Variants in SCN7A observed in about 807,000 individuals in gnomAD.
The protein encoded by SCN7A is sodium channel protein type 7 subunit alpha.
In SCN7A, 138 loss-of-function variants were observed where a neutral mutation model predicts 155.2. The observed-to-expected ratio is 0.89, with a 90% confidence interval of 0.77 to 1.02. SCN7A has a LOEUF of 1.02. Among genes scored for constraint, SCN7A ranks in the 50% least tolerant of loss-of-function variants. SCN7A has a pLI of 0.00. For missense variants in SCN7A, 2,058 were observed against 1,986.6 expected (o/e 1.04, Z -0.68); for synonymous variants, 693 against 649.0 (o/e 1.07, Z -1.03).
chr2:166,441,181 T>C, intron 15 of SCN7A: 1 of 455,494 alleles, frequency 2.2e-6, no homozygotes, highest in Non-Finnish European at 3.8e-6. Context: ...TCATTTTTTG[T>C]GTAAGACTTC....
In SCN7A at chr2:166,419,734, C is replaced by T. The variant is rs181799958; in HGVS notation, c.3135+1456G>A. Among the ~76,000 whole-genome samples, 4 of 152,188 alleles carry T rather than the reference C, an allele frequency of 2.6e-5. No individual in the cohort carries two copies. In the East Asian group the frequency reaches 7.7e-4, roughly 29 times the overall value. On this transcript the variant is annotated intron_variant, in intron 20 of 25. Transcript: ENST00000643258. ...ACCTTATTTTCAGCTTATTTGCCAC[C>T]TTATTTTGGTTTAAAAGCACTGGGC...
intron 10 of SCN7A, among the ~76,000 whole-genome samples, chr2:166,457,806 C>T (rs1253011783): frequency 6.6e-6 from 1 of 151,990 alleles, no homozygotes; most frequent in Non-Finnish European, 1.5e-5. Flanking sequence ...TATAACATTA[C>T]AAATATAAAA....
In SCN7A at chr2:166,406,144, G is replaced by T; in HGVS notation, c.4485C>A (p.Val1495=). 1 of 1,611,814 alleles carries T rather than the reference G, an allele frequency of 6.2e-7. No individual in the cohort carries two copies. Among genetic ancestry groups the T allele is most frequent in the Non-Finnish European group, 8.5e-7 (1 of 1,178,810 alleles). ...TAGAAGCAATATTTAAAAACTCCAT[G>T]ACAACAACAATGTACATATTTACAA... The part of the protein sequence containing the change: ...LIIVNMYIVV[V]MEFLNIASKK... Residue 1495 remains valine (V), a synonymous_variant, in exon 26 of 26, where the codon GTC becomes GTA. Coordinates refer to ENST00000643258, the MANE Select transcript of SCN7A (RefSeq NM_002976.4).
intron 10 of SCN7A, 61 bp from the exon 11 acceptor site, chr2:166,457,137 C>G: frequency 7.9e-7 from 1 of 1,264,196 alleles, no homozygotes; most frequent in Admixed American, 2.5e-5. Context: ...CAGGATTCTC[C>G]TATTTTAAAA....
intron 11 of SCN7A, 130 bp from the exon 12 acceptor site, chr2:166,447,838 A>G (rs1702097667): frequency 1.5e-6 from 1 of 655,516 alleles, no homozygotes; most frequent in East Asian, 2.8e-5. Flanking sequence ...AAATTGATAC[A>G]TAATCATTGT....
intron 18 of SCN7A, among the ~76,000 whole-genome samples, chr2:166,426,850 G>A (rs1009167683): frequency 9.9e-5 from 15 of 151,884 alleles, no homozygotes; most frequent in African/African-American, 3.6e-4. Context: ...CAATATGTGT[G>A]GTAAATAACA....
intron 21 of SCN7A, 66 bp downstream of exon 21, chr2:166,416,641 C>A: frequency 7.3e-7 from 1 of 1,361,302 alleles, no homozygotes; most frequent in East Asian, 2.5e-5. Context: ...ACATTTTGTC[C>A]TTTGCATTCA....
intron 2 of SCN7A, among the ~76,000 whole-genome samples, chr2:166,478,403 C>G (rs1182664522): frequency 5.3e-5 from 8 of 151,504 alleles, no homozygotes; most frequent in African/African-American, 1.9e-4. Context: ...ATCTATCATT[C>G]TGATGAATGC....
At chr2:166,437,942 G>A (rs755693688) in intron 15 of SCN7A, among the ~76,000 whole-genome samples, 2 of 152,102 alleles carry the variant, frequency 1.3e-5, no homozygotes, top group Admixed American at 6.5e-5. Flanking sequence ...TATCTCAGAT[G>A]AGACTTTGGA....
chr2:166,454,687 G>A (rs912057742), intron 11 of SCN7A, among the ~76,000 whole-genome samples: 6 of 151,722 alleles, frequency 4.0e-5, no homozygotes, highest in Admixed American at 2.6e-4. Flanking sequence ...TCTATTTTTC[G>A]TTCTCTGGCT....
In SCN7A at chr2:166,465,943, G is replaced by C. The variant is rs1702525249; in HGVS notation, c.709C>G (p.Leu237Val). ...VGVLIHCLKQ[L>V]IGVIILTLFF... ...AGAGTTAGGATAATGACACCAATAA[G>C]CTGCTTCAAGCAGTGGATCAGGACC... The change falls in exon 8 of 26, where the codon CTT becomes GTT. Residue 237 changes from leucine (L) to valine (V), a missense_variant. Leu to Val is a conservative substitution (Grantham distance 32). Coordinates refer to ENST00000643258, the MANE Select transcript of SCN7A (RefSeq NM_002976.4). The C allele has an allele frequency of 3.1e-6, 5 of 1,613,440 alleles. No individual in the cohort carries two copies. The highest frequency in any genetic ancestry group is 2.2e-5 in the South Asian group (2 of 91,042).
chr2:166,441,843 C>T (rs1315963624), intron 14 of SCN7A, 91 bp from the exon 15 acceptor site: 3 of 829,790 alleles, frequency 3.6e-6, no homozygotes, highest in Non-Finnish European at 5.7e-6. Context: ...TACACATATA[C>T]ATATATAGCC....
chr2:166,446,174 T>C (rs1000095335), intron 12 of SCN7A, among the ~76,000 whole-genome samples: 1 of 149,162 alleles, frequency 6.7e-6, no homozygotes, highest in Non-Finnish European at 1.5e-5. Context: ...CTTAAATAAA[T>C]TTAGAAGAAA....
In SCN7A at chr2:166,464,841, A is replaced by G. The variant is rs1486946438; in HGVS notation, c.941+621T>C. On this transcript the variant is annotated intron_variant, in intron 9 of 25. Coordinates refer to ENST00000643258, the MANE Select transcript of SCN7A (RefSeq NM_002976.4). ...TCTGGAGCACTCTTGAAAACAGAAG[A>G]TAAGATTCTTGTGTAAGTCCCAGCT... is the stretch of plus-strand genomic sequence containing the variant. Among the ~76,000 whole-genome samples the G allele has an allele frequency of 2.6e-5, 4 of 152,220 alleles. 1 individual carries two copies. Among genetic ancestry groups the G allele is most frequent in the Admixed American group, 2.0e-4 (3 of 15,282 alleles).
At chr2:166,460,486 T>C (rs1702379927) in intron 10 of SCN7A, among the ~76,000 whole-genome samples, 2 of 152,100 alleles carry the variant, frequency 1.3e-5, no homozygotes, top group South Asian at 4.2e-4. Flanking sequence ...GTAGTTCATC[T>C]CTAAGTGGGA....
chr2:166,457,349 G>A (rs1417960453), intron 10 of SCN7A, among the ~76,000 whole-genome samples: 1 of 152,152 alleles, frequency 6.6e-6, no homozygotes. Context: ...CGATTTTTAT[G>A]TCTTCATTGA....
intron 10 of SCN7A, among the ~76,000 whole-genome samples, chr2:166,459,302 T>C (rs1702351029): frequency 6.6e-6 from 1 of 152,084 alleles, no homozygotes; most frequent in African/African-American, 2.4e-5. Flanking sequence ...AATTTCTAGT[T>C]TTATTACATT....
intron 1 of SCN7A, among the ~76,000 whole-genome samples, chr2:166,489,982 C>G (rs1159186619): frequency 1.3e-5 from 2 of 151,620 alleles, no homozygotes; most frequent in East Asian, 3.9e-4. Context: ...TTAGGGGATA[C>G]AAGTTGATGT....
intron 20 of SCN7A, among the ~76,000 whole-genome samples, chr2:166,420,181 A>G (rs1229340028): frequency 6.6e-6 from 1 of 152,086 alleles, no homozygotes; most frequent in Non-Finnish European, 1.5e-5. Flanking sequence ...ATTTATAGAG[A>G]AAAATAAACA....
Sources: allele counts gnomAD v4.1 joint callset (sites outside exome capture counted in the v4.1 genomes callset), GRCh38; gene constraint gnomAD v4.1.1; transcripts MANE v1.5; gene names NCBI Gene and HGNC (gene_info 2026-07-23, HGNC 2026-07-21).